NRP1: variants seen among roughly 807,000 people sequenced by gnomAD.
NRP1 encodes neuropilin-1.
NRP1 carries 35 observed loss-of-function variants against 106.7 expected under a neutral mutation model. That is an observed-to-expected ratio of 0.33 (90% confidence interval 0.25 to 0.43). NRP1 has a LOEUF of 0.43. Among genes scored for constraint, NRP1 ranks in the 20% least tolerant of loss-of-function variants. The probability of loss-of-function intolerance (pLI) is 1.00; values close to 1 mark genes in which losing one functional copy is unlikely to be tolerated. For missense variants in NRP1, 1,024 were observed against 1,170.4 expected (o/e 0.87, Z 1.83); for synonymous variants, 437 against 417.9 (o/e 1.05, Z -0.56).
chr10:33,321,147 T>C (rs1264409830), intron 2 of NRP1, among the ~76,000 whole-genome samples: 1 of 152,098 alleles, frequency 6.6e-6, no homozygotes, highest in African/African-American at 2.4e-5. Context: ...CCACCACATC[T>C]GGCTAATTTT....
At chr10:33,283,529 T>C (rs1479672426) in intron 2 of NRP1, among the ~76,000 whole-genome samples, 1 of 152,234 alleles carries the variant, frequency 6.6e-6, no homozygotes, top group Non-Finnish European at 1.5e-5. Flanking sequence ...ATACTTCAGA[T>C]ATCAACTAGA....
At position 33,179,958 on chromosome 10, in the gene NRP1, C is replaced by T; in HGVS notation, c.*118G>A. On this transcript the variant is annotated 3_prime_UTR_variant, in exon 17 of 17. Coordinates refer to ENST00000374867, the MANE Select transcript of NRP1 (RefSeq NM_003873.7). ...ACTCATTGAAGCTCCTGAGAAAAGC[C>T]TGGCTCAGTGGTCATCAACACACTT... 3.9e-6 allele frequency: 4 copies of T among 1,035,148 alleles called. No homozygotes were observed. Among genetic ancestry groups the T allele is most frequent in the Non-Finnish European group, 4.3e-6 (3 of 695,746 alleles). The allele number at this position is 1,035,148 out of a possible 1,614,324, so 64.1% of individuals were successfully genotyped here.
chr10:33,252,833 T>C (rs1332808123), intron 6 of NRP1, among the ~76,000 whole-genome samples: 1 of 152,154 alleles, frequency 6.6e-6, no homozygotes, highest in East Asian at 1.9e-4. Flanking sequence ...TATTTCTCAG[T>C]GTTGGAGGTT....
chr10:33,220,900 CAAA>C (rs35895871), intron 8 of NRP1, among the ~76,000 whole-genome samples: 7 of 60,662 alleles, frequency 1.2e-4, no homozygotes, highest in Middle Eastern at 0.013. Context: ...GGCTCAGTCT[CAAA>C]AAAAAAAAAA....
chr10:33,295,063 T>C (rs1210331847), intron 2 of NRP1, among the ~76,000 whole-genome samples: 1 of 152,224 alleles, frequency 6.6e-6, no homozygotes, highest in African/African-American at 2.4e-5. Flanking sequence ...CTTCTAAAAA[T>C]GGCAGTTATA....
At chr10:33,261,062 G>A (rs1193031121) in intron 4 of NRP1, among the ~76,000 whole-genome samples, 1 of 150,958 alleles carries the variant, frequency 6.6e-6, no homozygotes, top group African/African-American at 2.4e-5. Context: ...TGTTATGCAG[G>A]TGCAGGCTGA....
chr10:33,288,150 G>T (rs1380591076), intron 2 of NRP1, among the ~76,000 whole-genome samples: 3 of 152,128 alleles, frequency 2.0e-5, no homozygotes, highest in Non-Finnish European at 4.4e-5. Context: ...TGATTTGGAG[G>T]TCAAATGTAT....
chr10:33,321,328 A>G (rs1269122112), intron 2 of NRP1, among the ~76,000 whole-genome samples: 1 of 152,202 alleles, frequency 6.6e-6, no homozygotes, highest in African/African-American at 2.4e-5. Flanking sequence ...TTCTGTGACC[A>G]AATGTGTTAA....
chr10:33,178,011 T>C lies in NRP1; in HGVS notation c.*2065A>G, dbSNP rs1481346706. The C allele has an allele frequency of 6.6e-6, 1 of 152,642 alleles. No homozygotes were observed. The highest frequency in any genetic ancestry group is 1.9e-4 in the East Asian group (1 of 5,202). The allele number at this position is 152,642 out of a possible 1,614,324, so 9.5% of individuals were successfully genotyped here. A position where few individuals can be genotyped will look rare whatever the true frequency, so the allele number is the denominator to read the frequency against. On this transcript the variant is annotated 3_prime_UTR_variant, in exon 17 of 17. Transcript: ENST00000374867. ...GAGGACAACTTTAAGTCTGTTGCCT[T>C]TAAAAACAACAAACGAGTGTTTCTT...
At chr10:33,282,532 G>GT (rs948528839) in intron 2 of NRP1, among the ~76,000 whole-genome samples, 8 of 152,058 alleles carry the variant, frequency 5.3e-5, no homozygotes, top group African/African-American at 1.9e-4. Context: ...ATTTTTTAAA[G>GT]TTTTTTCACC....
In NRP1 at chr10:33,330,868, T is replaced by C; in HGVS notation, c.88A>G (p.Thr30Ala). The C allele has an allele frequency of 6.2e-7, 1 of 1,605,512 alleles. No individual in the cohort carries two copies. Among genetic ancestry groups the C allele is most frequent in the African/African-American group, 1.3e-5 (1 of 74,764 alleles). Residue 30 changes from threonine to alanine, a missense_variant, in exon 2 of 17, where the codon ACT becomes GCT. Physicochemically the swap from Thr to Ala is moderately conservative, Grantham distance 58. Around this residue, in one of 5 missense-constraint regions of NRP1, gnomAD observed 279 missense variants for 327.4 expected, o/e 0.85. Transcript: ENST00000374867. ...TACCCGGGGCTTTCAATTTTTATAG[T>C]ATCGCCACATTTATCTGCAATGAAA... ...GAFRNDKCGD[T>A]IKIESPGYLT... is the part of the protein sequence containing the mutation.
chr10:33,226,353 T>C, intron 6 of NRP1, 64 bp from the exon 7 acceptor site: 1 of 1,568,054 alleles, frequency 6.4e-7, no homozygotes, highest in Non-Finnish European at 8.7e-7. Flanking sequence ...CAAAGCATCT[T>C]TTCCTGTGGG....
intron 2 of NRP1, among the ~76,000 whole-genome samples, chr10:33,284,649 C>A (rs921419752): frequency 5.3e-5 from 8 of 151,902 alleles, no homozygotes; most frequent in African/African-American, 1.7e-4. Flanking sequence ...TGTTTACTCC[C>A]TTTTTCTTAT....
At chr10:33,330,639 TCC>T in intron 2 of NRP1, 67 bp downstream of exon 2, 1 of 1,379,746 alleles carries the variant, frequency 7.2e-7, no homozygotes, top group South Asian at 1.5e-5. Flanking sequence ...CACACCGACT[TCC>T]CCCCCGTAGA....
At chr10:33,318,938 T>A (rs1181506978) in intron 2 of NRP1, among the ~76,000 whole-genome samples, 2 of 149,960 alleles carry the variant, frequency 1.3e-5, no homozygotes, top group African/African-American at 4.9e-5. Context: ...TGGAAGAGGG[T>A]GAGAGGTGAA....
chr10:33,191,575 A>G (rs1348735910), intron 13 of NRP1, among the ~76,000 whole-genome samples: 1 of 152,208 alleles, frequency 6.6e-6, no homozygotes. Context: ...TAAGTTTCCT[A>G]TGATCTGATA....
chr10:33,180,765 C>G (rs1036600789), intron 16 of NRP1, among the ~76,000 whole-genome samples: 2 of 152,188 alleles, frequency 1.3e-5, no homozygotes, highest in Non-Finnish European at 2.9e-5. Context: ...TACCTAACCC[C>G]AAAACAGGCA....
intron 13 of NRP1, among the ~76,000 whole-genome samples, chr10:33,191,272 A>C (rs1836393334): frequency 6.6e-6 from 1 of 152,176 alleles, no homozygotes; most frequent in Non-Finnish European, 1.5e-5. Flanking sequence ...CTGTCCCCCA[A>C]CCCATTCCTC....
At chr10:33,263,610 A>T in intron 4 of NRP1, 36 bp downstream of exon 4, 1 of 1,522,598 alleles carries the variant, frequency 6.6e-7, no homozygotes, top group Middle Eastern at 1.7e-4. Context: ...TTCCTCCAGA[A>T]CCTTCCCTTT....
Sources: gnomAD v4.1 joint callset for allele counts (sites outside exome capture counted in the v4.1 genomes callset) on GRCh38, gnomAD v4.1.1 for gene constraint, gnomAD v4.1.1 regional missense constraint, MANE v1.5 for transcripts, NCBI Gene and HGNC (gene_info 2026-07-23, HGNC 2026-07-21) for gene names.